The following IMPA2 variants were observed in gnomAD, a reference collection of about 807,000 sequenced individuals.
The protein encoded by IMPA2 is IMP 2.
A neutral mutation model predicts 35.1 loss-of-function variants in IMPA2; 32 were observed. The ratio of observed to expected loss-of-function variants is 0.91; its 90% confidence interval spans 0.69 to 1.23. The LOEUF (loss-of-function observed/expected upper bound fraction) is 1.23, where lower values mean the gene tolerates loss of function less well. IMPA2 is among the 50% of genes most tolerant of loss of function. The pLI is 0.00. For missense variants in IMPA2, 334 were observed against 387.6 expected, an observed-to-expected ratio of 0.86 and a Z score of 1.16; for synonymous variants, 135 against 160.6, an observed-to-expected ratio of 0.84 and a Z score of 1.20.
chr18:12,009,992 G>A lies in IMPA2; in HGVS notation c.335+5G>A. Reference sequence around the variant, plus strand: ...CACCTGCAATTTTGTGCACAGGTGAGCTGAGCAGGGATCGCCTCCATTGCA... The same window carrying A: ...CACCTGCAATTTTGTGCACAGGTGAACTGAGCAGGGATCGCCTCCATTGCA... On this transcript the variant is annotated splice_donor_5th_base_variant and intron_variant, in intron 3 of 7. Transcript: ENST00000269159. The A allele has an allele frequency of 6.2e-7, 1 of 1,605,710 alleles. No individual in the cohort carries two copies. The highest frequency in any genetic ancestry group is 8.5e-7 in the Non-Finnish European group (1 of 1,172,880).
chr18:11,999,404 A>C (rs138031822), intron 2 of IMPA2, among the ~76,000 whole-genome samples: 1 of 152,232 alleles, frequency 6.6e-6, no homozygotes. Flanking sequence ...CATCACGTCA[A>C]TGCATCCTCT....
chr18:12,028,212 T>C, intron 6 of IMPA2, 61 bp downstream of exon 6: 1 of 1,091,266 alleles, frequency 9.2e-7, no homozygotes, highest in Non-Finnish European at 1.4e-6. Flanking sequence ...AACACGGACT[T>C]GCTAAAACTC....
intron 1 of IMPA2, among the ~76,000 whole-genome samples, chr18:11,990,371 T>G (rs1906780361): frequency 2.0e-5 from 3 of 148,848 alleles, no homozygotes; most frequent in African/African-American, 5.0e-5. Flanking sequence ...AAAGCAGGAG[T>G]CAGCTAGGAA....
chr18:12,028,386 A>AT, intron 6 of IMPA2: 1 of 535,888 alleles, frequency 1.9e-6, no homozygotes, highest in Non-Finnish European at 3.3e-6. Context: ...GAATCCATGG[A>AT]ACTGACCTCA....
chr18:12,003,664 AGAAAAGG>A (rs377723330), intron 2 of IMPA2, among the ~76,000 whole-genome samples: 12,116 of 71,082 alleles, frequency 0.17, 874 homozygotes, highest in East Asian at 0.48. Context: ...AAAAAAAAAA[AGAAAAGG>A]AAAAAAAAAA....
intron 2 of IMPA2, among the ~76,000 whole-genome samples, chr18:12,009,297 C>A (rs113110825): frequency 2.0e-4 from 30 of 151,374 alleles, no homozygotes; most frequent in African/African-American, 7.1e-4. Context: ...AACAAAAAAA[C>A]CAGGGAAGTC....
At chr18:12,025,408 G>A (rs1210244143) in intron 5 of IMPA2, among the ~76,000 whole-genome samples, 3 of 152,210 alleles carry the variant, frequency 2.0e-5, no homozygotes, top group Non-Finnish European at 4.4e-5. Context: ...TTGCTGGACG[G>A]TATGGTAAGA....
At chr18:12,006,253 C>T (rs3786291) in intron 2 of IMPA2, among the ~76,000 whole-genome samples, 19,560 of 152,154 alleles carry the variant, frequency 0.13, 1,467 homozygotes, top group African/African-American at 0.19. Context: ...CCCCCTGCCC[C>T]GGCTGCCATT....
At chr18:12,006,308 C>G (rs997583797) in intron 2 of IMPA2, among the ~76,000 whole-genome samples, 1 of 152,224 alleles carries the variant, frequency 6.6e-6, no homozygotes, top group African/African-American at 2.4e-5. Flanking sequence ...GTTTGGGGAG[C>G]ACCAGTTCCT....
chr18:12,001,774 C>T (rs1295156579), intron 2 of IMPA2, among the ~76,000 whole-genome samples: 4 of 152,242 alleles, frequency 2.6e-5, no homozygotes, highest in East Asian at 1.9e-4. Context: ...GGAGCGTGCC[C>T]GGGCTGAACA....
intron 6 of IMPA2, chr18:12,028,626 G>T: frequency 1.7e-6 from 1 of 577,500 alleles, no homozygotes; most frequent in East Asian, 2.9e-5. Context: ...TAGGTCAGCT[G>T]GGAGCTGTCA....
intron 5 of IMPA2, chr18:12,017,780 C>T (rs755627996): frequency 2.4e-5 from 8 of 339,806 alleles, no homozygotes; most frequent in African/African-American, 6.7e-5. Flanking sequence ...TTAGTAGAGA[C>T]GGGGTTTCAC....
At chr18:12,018,753 AT>A in intron 5 of IMPA2, among the ~76,000 whole-genome samples, 1 of 152,302 alleles carries the variant, frequency 6.6e-6, no homozygotes, top group East Asian at 1.9e-4. Flanking sequence ...GTCTGGCTTA[AT>A]GTAAGACAAC....
At chr18:12,003,942 C>T (rs1907185881) in intron 2 of IMPA2, among the ~76,000 whole-genome samples, 1 of 152,208 alleles carries the variant, frequency 6.6e-6, no homozygotes, top group South Asian at 2.1e-4. Flanking sequence ...TGGCCTAGGC[C>T]CAGAGATGAG....
At chr18:12,009,606 C>CCTGGCCTGCTGGA (rs1907375704) in intron 2 of IMPA2, among the ~76,000 whole-genome samples, 1 of 152,162 alleles carries the variant, frequency 6.6e-6, no homozygotes, top group African/African-American at 2.4e-5. Context: ...TTCACGCTTG[C>CCTGGCCTGCTGGA]ATTTCTCTGC....
At chr18:12,007,629 T>TTCTTTC (rs1907297913) in intron 2 of IMPA2, among the ~76,000 whole-genome samples, 1 of 4,450 alleles carries the variant, frequency 2.2e-4, no homozygotes, top group African/African-American at 7.0e-4. Context: ...TTTTTCTTTC[T>TTCTTTC]TCTTTCTTTC....
chr18:12,009,702 G>A (rs972981815), intron 2 of IMPA2, among the ~76,000 whole-genome samples, 181 bp from the exon 3 acceptor site: 2 of 152,148 alleles, frequency 1.3e-5, no homozygotes, highest in African/African-American at 4.8e-5. Flanking sequence ...GAGTAGGTCC[G>A]CTGGCAGGCA....
chr18:11,985,147 CAAAAAAAAAAAAA>C (rs60194371), intron 1 of IMPA2, among the ~76,000 whole-genome samples: 49 of 80,528 alleles, frequency 6.1e-4, no homozygotes, highest in African/African-American at 1.9e-3. Flanking sequence ...AACTCTGTCT[CAAAAAAAAAAAAA>C]AAAAAAAAAG....
intron 1 of IMPA2, among the ~76,000 whole-genome samples, chr18:11,989,853 G>A (rs1259991321): frequency 6.6e-6 from 1 of 152,176 alleles, no homozygotes. Context: ...TTTGGAGTTT[G>A]GGGCAGGAGG....
Sources: allele counts gnomAD v4.1 joint callset (sites outside exome capture counted in the v4.1 genomes callset), GRCh38; gene constraint gnomAD v4.1.1; transcripts MANE v1.5; gene names NCBI Gene and HGNC (gene_info 2026-07-23, HGNC 2026-07-21).